Variants in GFRAL observed in about 807,000 individuals in gnomAD.
The protein encoded by GFRAL is GDNF family receptor alpha like, also known as GDNF family receptor alpha-like.
In GFRAL, 36 loss-of-function variants were observed where a neutral mutation model predicts 45.4. That is an observed-to-expected ratio of 0.79 (90% CI 0.61 to 1.05). GFRAL has a LOEUF of 1.05. GFRAL is among the 50% of genes least tolerant of loss of function. The pLI is 0.00. For synonymous variants in GFRAL, 166 were observed against 154.1 expected, an observed-to-expected ratio of 1.08 and a Z score of -0.57; for missense variants, 507 against 467.5, an observed-to-expected ratio of 1.08 and a Z score of -0.78.
rs746270277 is a variant in GFRAL at position 55,359,187 on chromosome 6, ATCTATCTATCT to A, written c.952+50_952+60del. The A allele has an allele frequency of 8.5e-6, 8 of 943,236 alleles. No homozygotes were observed. The African/African-American group carries it at 1.8e-4, about 22-fold the overall frequency. 58.4% of individuals were successfully genotyped at this position (943,236 alleles called of 1,614,324 possible). On this transcript the variant is annotated intron_variant, in intron 6 of 8. Transcript: ENST00000340465. ...CTGTCTATCTATCTATCTATCTATC[ATCTATCTATCT>A]ATCTATTTTGTTTTTGCCTATACAG...
intron 6 of GFRAL, among the ~76,000 whole-genome samples, chr6:55,386,265 G>A (rs80007676): frequency 0.064 from 9,768 of 152,032 alleles, 507 homozygotes; most frequent in African/African-American, 0.14. Flanking sequence ...AATAAGGCAC[G>A]TTTCTTTGCT....
intron 6 of GFRAL, among the ~76,000 whole-genome samples, chr6:55,370,133 A>G (rs1370887134): frequency 6.6e-6 from 1 of 152,106 alleles, no homozygotes; most frequent in Non-Finnish European, 1.5e-5. Flanking sequence ...CATGATTAAT[A>G]GTCAGAAAAC....
intron 3 of GFRAL, among the ~76,000 whole-genome samples, chr6:55,336,210 C>T (rs1168529024): frequency 1.3e-5 from 2 of 152,178 alleles, no homozygotes; most frequent in Non-Finnish European, 2.9e-5. Context: ...TCCAAAAGTG[C>T]TGGGATTACA....
intron 6 of GFRAL, among the ~76,000 whole-genome samples, chr6:55,381,664 A>C (rs1350909509): frequency 6.6e-6 from 1 of 151,880 alleles, no homozygotes; most frequent in Admixed American, 6.6e-5. Context: ...TAATGCAAAG[A>C]CTGTGTAAAA....
At chr6:55,341,519 C>A (rs1767965069) in intron 3 of GFRAL, among the ~76,000 whole-genome samples, 1 of 152,134 alleles carries the variant, frequency 6.6e-6, no homozygotes, top group African/African-American at 2.4e-5. Context: ...AAAACCCCAT[C>A]TATACATCAC....
chr6:55,379,307 C>G (rs1581755974), intron 6 of GFRAL, among the ~76,000 whole-genome samples: 1 of 151,762 alleles, frequency 6.6e-6, no homozygotes, highest in East Asian at 1.9e-4. Flanking sequence ...TGCTCCTCTC[C>G]CTCCTCCTCC....
At chr6:55,376,812 A>T (rs975304) in intron 6 of GFRAL, among the ~76,000 whole-genome samples, 151,517 of 152,150 alleles carry the variant, frequency 1, 75,449 homozygotes, top group East Asian at 1. Flanking sequence ...TTTTTGAAGG[A>T]TTTTCATGTC....
rs73436870 is a variant in GFRAL, at chr6:55,361,334, G to A, written c.952+2196G>A. Among the ~76,000 whole-genome samples the A allele has an allele frequency of 5.0e-3, 753 of 151,976 alleles. 8 individuals are homozygous for A. The highest frequency in any genetic ancestry group is 0.015 in the African/African-American group (626 of 41,472). ...CAAATGGACACCAAAATTTGTTCATGTTCAAGTCCCTGATATAAAATGGTG... is the reference window on the plus strand; with the variant it reads ...CAAATGGACACCAAAATTTGTTCATATTCAAGTCCCTGATATAAAATGGTG... On this transcript the variant is annotated intron_variant, in intron 6 of 8. Transcript: ENST00000340465.
intron 6 of GFRAL, among the ~76,000 whole-genome samples, chr6:55,365,766 A>C (rs1660416357): frequency 6.6e-6 from 1 of 150,638 alleles, no homozygotes; most frequent in African/African-American, 2.4e-5. Flanking sequence ...ATATTGAACC[A>C]GCCTTGCATC....
At chr6:55,334,064 C>A in intron 3 of GFRAL, 120 bp downstream of exon 3, 1 of 693,716 alleles carries the variant, frequency 1.4e-6, no homozygotes, top group Non-Finnish European at 2.2e-6. Context: ...CTTTTCAAAG[C>A]TTTATTATTT....
intron 6 of GFRAL, among the ~76,000 whole-genome samples, chr6:55,368,926 C>T (rs546362452): frequency 3.9e-5 from 6 of 152,196 alleles, no homozygotes; most frequent in Non-Finnish European, 5.9e-5. Flanking sequence ...GGAGGTGGAG[C>T]CTACAGAGGC....
At chr6:55,327,697 A>T (rs1767783629) in intron 1 of GFRAL, 121 bp downstream of exon 1, 1 of 881,784 alleles carries the variant, frequency 1.1e-6, no homozygotes, top group Non-Finnish European at 1.8e-6. Flanking sequence ...GTAAATTACA[A>T]ATTTATGCTT....
intron 3 of GFRAL, among the ~76,000 whole-genome samples, chr6:55,336,753 A>G (rs932498745): frequency 7.9e-5 from 12 of 152,082 alleles, no homozygotes; most frequent in Non-Finnish European, 1.5e-5. Context: ...AGAGCTTTCA[A>G]TATATTAAAT....
chr6:55,350,408 C>A (rs536246735), intron 4 of GFRAL, among the ~76,000 whole-genome samples: 8 of 152,242 alleles, frequency 5.3e-5, no homozygotes, highest in Non-Finnish European at 8.8e-5. Context: ...GGCACAGTGG[C>A]TCACAGCTGT....
intron 6 of GFRAL, among the ~76,000 whole-genome samples, chr6:55,383,501 C>T (rs909900377): frequency 5.3e-5 from 8 of 151,932 alleles, no homozygotes; most frequent in Admixed American, 1.3e-4. Context: ...TTGTGTTACA[C>T]GTTGACTACA....
intron 6 of GFRAL, among the ~76,000 whole-genome samples, chr6:55,368,636 CT>C (rs1768401307): frequency 6.6e-6 from 1 of 152,052 alleles, no homozygotes; most frequent in South Asian, 2.1e-4. Context: ...GATGTCCTTT[CT>C]GTTTGTTAGT....
At chr6:55,401,746 C>T (rs1347755871) in intron 8 of GFRAL, 44 bp from the exon 9 acceptor site, 1 of 1,126,130 alleles carries the variant, frequency 8.9e-7, no homozygotes, top group Admixed American at 1.7e-5. Context: ...TTTGTGAAAT[C>T]CTTAAAATGG....
intron 6 of GFRAL, among the ~76,000 whole-genome samples, chr6:55,389,021 T>C (rs1355098629): frequency 6.6e-6 from 1 of 152,140 alleles, no homozygotes; most frequent in Non-Finnish European, 1.5e-5. Context: ...AAATCATGAG[T>C]TTTCCCCTTT....
At chr6:55,334,684 C>T (rs927225486) in intron 3 of GFRAL, among the ~76,000 whole-genome samples, 2 of 23,778 alleles carry the variant, frequency 8.4e-5, no homozygotes, top group Non-Finnish European at 8.2e-4. Flanking sequence ...ACGGAATGGT[C>T]TCATCGTCCA....
Sources: gnomAD v4.1 joint callset for allele counts (sites outside exome capture counted in the v4.1 genomes callset) on GRCh38, gnomAD v4.1.1 for gene constraint, MANE v1.5 for transcripts, NCBI Gene and HGNC (gene_info 2026-07-23, HGNC 2026-07-21) for gene names.